PDSS1: variants seen among roughly 807,000 people sequenced by gnomAD.
PDSS1 encodes the protein all trans-polyprenyl-diphosphate synthase PDSS1.
PDSS1 carries 43 observed loss-of-function variants against 57.5 expected under a neutral mutation model. That is an observed-to-expected ratio of 0.75 (90% CI 0.59 to 0.96). The LOEUF (loss-of-function observed/expected upper bound fraction) is 0.96. PDSS1 is among the 50% of genes least tolerant of loss of function. The pLI is 0.00. For synonymous variants in PDSS1, 175 were observed against 191.3 expected (o/e 0.91, Z 0.70); for missense variants, 438 against 527.8 (o/e 0.83, Z 1.67).
At chr10:26,744,506 T>C (rs1158982964) in intron 11 of PDSS1, among the ~76,000 whole-genome samples, 1 of 152,120 alleles carries the variant, frequency 6.6e-6, no homozygotes, top group African/African-American at 2.4e-5. Context: ...TTCTCCTGCC[T>C]CAGCCTCCCG....
intron 10 of PDSS1, among the ~76,000 whole-genome samples, chr10:26,735,927 C>T (rs969975649): frequency 4.6e-5 from 7 of 152,130 alleles, no homozygotes; most frequent in African/African-American, 1.2e-4. Context: ...GCAAAGTGAA[C>T]GGTTTCTAAG....
At chr10:26,720,127 T>TA in intron 5 of PDSS1, 91 bp from the exon 6 acceptor site, 1 of 1,577,454 alleles carries the variant, frequency 6.3e-7, no homozygotes. Context: ...TAACATTCTT[T>TA]ATCCTAGATC....
chr10:26,746,358 A>G lies in PDSS1; in HGVS notation c.1133A>G (p.Tyr378Cys). Residue 378 changes from tyrosine to cysteine, a missense_variant, in exon 12 of 12, where the codon TAC becomes TGC. By Grantham distance (194) the Tyr-to-Cys change is radical (BLOSUM62 -2). Transcript: ENST00000376215. ...LQSDGVQQTTYLAQQYCHEAI... is the reference protein window; with the variant it reads ...LQSDGVQQTTCLAQQYCHEAI... ...AGTGATGGTGTGCAACAAACAACCTACCTCGCCCAGCAGTACTGCCATGAA... is the reference window on the plus strand; with the variant it reads ...AGTGATGGTGTGCAACAAACAACCTGCCTCGCCCAGCAGTACTGCCATGAA... 6.2e-7 allele frequency: 1 copy of G among 1,614,106 alleles called. No individual in the cohort carries two copies. The highest frequency in any genetic ancestry group is 8.5e-7 in the Non-Finnish European group (1 of 1,179,966).
At chr10:26,739,110 G>T (rs561627504) in intron 10 of PDSS1, among the ~76,000 whole-genome samples, 1 of 152,072 alleles carries the variant, frequency 6.6e-6, no homozygotes, top group Non-Finnish European at 1.5e-5. Flanking sequence ...TTGTAGCCAC[G>T]TTTCCAAATG....
intron 8 of PDSS1, among the ~76,000 whole-genome samples, chr10:26,731,932 C>G (rs1388564882): frequency 6.6e-6 from 1 of 152,256 alleles, no homozygotes; most frequent in Non-Finnish European, 1.5e-5. Context: ...GCTGGGATTA[C>G]AGGCGTGAGC....
chr10:26,709,596 AG>A, intron 4 of PDSS1, 41 bp from the exon 5 acceptor site: 2 of 1,603,978 alleles, frequency 1.2e-6, no homozygotes, highest in Non-Finnish European at 1.7e-6. Context: ...CTTTCTGTGC[AG>A]TTTTTTGATG....
At chr10:26,731,884 C>G (rs1836216114) in intron 8 of PDSS1, among the ~76,000 whole-genome samples, 1 of 152,216 alleles carries the variant, frequency 6.6e-6, no homozygotes, top group African/African-American at 2.4e-5. Flanking sequence ...CTCCGCCTCC[C>G]AGGTTCAAGC....
At chr10:26,721,730 G>A (rs1371572096) in intron 6 of PDSS1, among the ~76,000 whole-genome samples, 3 of 152,166 alleles carry the variant, frequency 2.0e-5, no homozygotes, top group Admixed American at 6.5e-5. Flanking sequence ...CTTATGTGGA[G>A]CCTTGGGCGG....
intron 3 of PDSS1, 78 bp from the exon 4 acceptor site, chr10:26,705,208 C>A: frequency 1.3e-6 from 1 of 798,710 alleles, no homozygotes; most frequent in Non-Finnish European, 2.2e-6. Flanking sequence ...CTGAATTTTC[C>A]GTATCTGAGT....
intron 8 of PDSS1, among the ~76,000 whole-genome samples, chr10:26,734,094 G>A (rs951563241): frequency 6.6e-6 from 1 of 152,232 alleles, no homozygotes; most frequent in African/African-American, 2.4e-5. Flanking sequence ...GTAAGTGCTT[G>A]TGATTTCTAC....
At chr10:26,708,348 G>A (rs1401421011) in intron 4 of PDSS1, among the ~76,000 whole-genome samples, 1 of 152,140 alleles carries the variant, frequency 6.6e-6, no homozygotes, top group Non-Finnish European at 1.5e-5. Context: ...CAGCCGGAAG[G>A]CTCTTGTCCT....
At position 26,697,792 on chromosome 10, in the gene PDSS1, C is replaced by T; in HGVS notation, c.81C>T (p.Gly27=). The change falls in exon 1 of 12, where the codon GGC becomes GGT. Residue 27 remains glycine, a synonymous_variant. Coordinates refer to ENST00000376215, the MANE Select transcript of PDSS1 (RefSeq NM_014317.5). The part of the protein sequence containing the change: ...AARSPGPGSP[G]RAGPLGPSAA... Reference sequence around the variant, plus strand: ...GGAGCCCCGGGCCCGGCTCCCCCGGCCGTGCGGGACCGTTGGGGCCGAGCG... The same window carrying T: ...GGAGCCCCGGGCCCGGCTCCCCCGGTCGTGCGGGACCGTTGGGGCCGAGCG... 7.7e-7 allele frequency: 1 copy of T among 1,306,400 alleles called. No individual in the cohort carries two copies. 80.9% of individuals were successfully genotyped at this position (1,306,400 alleles called of 1,614,324 possible).
intron 8 of PDSS1, among the ~76,000 whole-genome samples, chr10:26,730,709 C>G (rs975125068): frequency 4.6e-5 from 7 of 152,180 alleles, no homozygotes; most frequent in Non-Finnish European, 5.9e-5. Flanking sequence ...TTTTCTTCCC[C>G]TACCCCCTTG....
chr10:26,713,337 AC>A (rs1462113649), intron 5 of PDSS1, among the ~76,000 whole-genome samples: 1 of 152,116 alleles, frequency 6.6e-6, no homozygotes, highest in Non-Finnish European at 1.5e-5. Context: ...TTAAAACAAA[AC>A]TTTGGAGGGG....
At chr10:26,734,534 A>G (rs1836323081) in intron 8 of PDSS1, 1 of 369,496 alleles carries the variant, frequency 2.7e-6, no homozygotes, top group African/African-American at 2.1e-5. Context: ...AGACTTTCAG[A>G]AGTCTTATTT....
intron 8 of PDSS1, among the ~76,000 whole-genome samples, chr10:26,726,354 A>G (rs1257760304): frequency 6.6e-6 from 1 of 152,218 alleles, no homozygotes; most frequent in African/African-American, 2.4e-5. Context: ...CCTAAACTCC[A>G]CAGCTCTTAG....
chr10:26,745,845 CA>C (rs556874205), intron 11 of PDSS1, among the ~76,000 whole-genome samples: 3 of 136,770 alleles, frequency 2.2e-5, no homozygotes, highest in Non-Finnish European at 1.6e-5. Context: ...GACCCTGTCT[CA>C]AAAAAAAAGA....
chr10:26,701,358 G>A (rs1835047116), intron 1 of PDSS1, among the ~76,000 whole-genome samples: 2 of 152,202 alleles, frequency 1.3e-5, no homozygotes, highest in South Asian at 2.1e-4. Flanking sequence ...GCATGTCAGA[G>A]ACCTTCTCTG....
At chr10:26,709,923 C>T (rs1038324196) in intron 5 of PDSS1, among the ~76,000 whole-genome samples, 155 bp downstream of exon 5, 8 of 151,928 alleles carry the variant, frequency 5.3e-5, no homozygotes, top group African/African-American at 1.9e-4. Flanking sequence ...GAGCCTGAGG[C>T]GGGTGGATCG....
Sources: allele counts gnomAD v4.1 joint callset (sites outside exome capture counted in the v4.1 genomes callset), GRCh38; gene constraint gnomAD v4.1.1; transcripts MANE v1.5; gene names NCBI Gene and HGNC (gene_info 2026-07-23, HGNC 2026-07-21).